RBFOX3: variants seen among roughly 807,000 people sequenced by gnomAD.
RBFOX3 encodes the protein RNA binding protein fox-1 homolog 3.
RBFOX3 carries 17 observed loss-of-function variants against 48.7 expected under a neutral mutation model. The observed-to-expected ratio is 0.35, with a 90% CI of 0.24 to 0.52. The LOEUF (loss-of-function observed/expected upper bound fraction) is 0.52, where lower values mean the gene tolerates loss of function less well. Among genes scored for constraint, RBFOX3 ranks in the 20% least tolerant of loss-of-function variants. The pLI is 0.94. For synonymous variants in RBFOX3, 212 were observed against 209.5 expected (o/e 1.01, Z -0.10); for missense variants, 382 against 497.5 (o/e 0.77, Z 2.21).
At chr17:79,591,380 A>T (rs1227451287) in intron 1 of RBFOX3, among the ~76,000 whole-genome samples, 1 of 152,122 alleles carries the variant, frequency 6.6e-6, no homozygotes, top group Non-Finnish European at 1.5e-5. Flanking sequence ...CAGGAGACAC[A>T]CCATGGCCAG....
At chr17:79,219,494 G>A (rs375409412) in intron 4 of RBFOX3, among the ~76,000 whole-genome samples, 7 of 152,176 alleles carry the variant, frequency 4.6e-5, no homozygotes, top group South Asian at 4.2e-4. Context: ...AGGATGGCCC[G>A]GTCCTCCCCT....
At chr17:79,219,951 C>CCTGT (rs2059518322) in intron 4 of RBFOX3, among the ~76,000 whole-genome samples, 1 of 151,968 alleles carries the variant, frequency 6.6e-6, no homozygotes, top group African/African-American at 2.4e-5. Context: ...GTCCCAGCCC[C>CCTGT]ACCGTCTGCA....
chr17:79,568,907 C>A (rs1184641994), intron 1 of RBFOX3, among the ~76,000 whole-genome samples: 1 of 152,094 alleles, frequency 6.6e-6, no homozygotes. Context: ...CCTCCCAGAG[C>A]TCCGGACCCA....
intron 2 of RBFOX3, among the ~76,000 whole-genome samples, chr17:79,460,104 G>A (rs1473785416): frequency 2.0e-5 from 3 of 152,276 alleles, no homozygotes; most frequent in Non-Finnish European, 2.9e-5. Context: ...GCTACGGGAG[G>A]GGATGGGGAG....
At chr17:79,324,745 C>A (rs1340842278) in intron 2 of RBFOX3, among the ~76,000 whole-genome samples, 2 of 152,310 alleles carry the variant, frequency 1.3e-5, no homozygotes, top group African/African-American at 4.8e-5. Context: ...GCAGCACGGC[C>A]ACAAGCCAAC....
intron 4 of RBFOX3, among the ~76,000 whole-genome samples, chr17:79,223,925 G>T (rs2060021005): frequency 6.6e-6 from 1 of 152,166 alleles, no homozygotes; most frequent in African/African-American, 2.4e-5. Flanking sequence ...CAAGGCAAAG[G>T]TGTGTATATT....
intron 2 of RBFOX3, among the ~76,000 whole-genome samples, chr17:79,431,856 G>A (rs958466229): frequency 3.3e-5 from 5 of 152,172 alleles, no homozygotes; most frequent in African/African-American, 1.2e-4. Flanking sequence ...GTGGCATTCG[G>A]AACATTTGCT....
intron 4 of RBFOX3, among the ~76,000 whole-genome samples, chr17:79,152,148 G>A (rs4993715): frequency 0.64 from 97,969 of 151,982 alleles, 31,952 homozygotes; most frequent in Non-Finnish European, 0.69. Flanking sequence ...ATAAGTGGGC[G>A]AGTGGGGTCC....
At chr17:79,231,825 T>A (rs2061067919) in intron 4 of RBFOX3, among the ~76,000 whole-genome samples, 1 of 152,146 alleles carries the variant, frequency 6.6e-6, no homozygotes, top group Non-Finnish European at 1.5e-5. Flanking sequence ...TGTTTATGAG[T>A]CAGAAGGCCC....
intron 1 of RBFOX3, among the ~76,000 whole-genome samples, chr17:79,517,365 A>C (rs2085386906): frequency 6.6e-6 from 1 of 151,328 alleles, no homozygotes; most frequent in African/African-American, 2.4e-5. Flanking sequence ...GAATCGCTTG[A>C]ACCCAGGGGG....
intron 4 of RBFOX3, among the ~76,000 whole-genome samples, chr17:79,222,008 A>C (rs899904727): frequency 1.3e-5 from 2 of 152,134 alleles, no homozygotes; most frequent in Admixed American, 1.3e-4. Flanking sequence ...AGCCACAAAC[A>C]CCTGAGGGTA....
intron 3 of RBFOX3, among the ~76,000 whole-genome samples, chr17:79,266,030 C>T (rs923049319): frequency 5.9e-5 from 9 of 152,376 alleles, no homozygotes; most frequent in African/African-American, 2.2e-4. Flanking sequence ...TGACTTTTCC[C>T]AGAGGGCTGC....
rs991814082 is a variant in RBFOX3 at position 79,214,367 on chromosome 17, T to C, written c.-34+21399A>G. On this transcript the variant is annotated intron_variant, in intron 4 of 14. Coordinates refer to ENST00000693108, the MANE Select transcript of RBFOX3 (RefSeq NM_001350451.2). The surrounding 1 kb of genome is among the most constrained non-coding windows in gnomAD (Gnocchi z 4.7). ...ATGGAGGAAAGCCCTGTCTCCTCAT[T>C]AATTAGACAAGCCCTCCCGCCCGCA... Among the ~76,000 whole-genome samples, 1 of 152,190 alleles carries C rather than the reference T, an allele frequency of 6.6e-6. No homozygotes were observed. Among genetic ancestry groups the C allele is most frequent in the Non-Finnish European group, 1.5e-5 (1 of 68,034 alleles).
intron 4 of RBFOX3, among the ~76,000 whole-genome samples, chr17:79,168,182 C>T (rs759479944): frequency 1.1e-4 from 17 of 152,212 alleles, no homozygotes; most frequent in Non-Finnish European, 5.9e-5. Flanking sequence ...CCCGCTGCTG[C>T]CTGACCCCTG....
intron 1 of RBFOX3, among the ~76,000 whole-genome samples, chr17:79,550,023 A>G (rs1159539839): frequency 6.6e-6 from 1 of 152,126 alleles, no homozygotes; most frequent in Non-Finnish European, 1.5e-5. Context: ...CAGAGCTCTC[A>G]CGCATCCCTG....
chr17:79,493,492 G>T (rs1264836963), intron 1 of RBFOX3, among the ~76,000 whole-genome samples: 6 of 152,056 alleles, frequency 3.9e-5, no homozygotes, highest in African/African-American at 1.4e-4. Context: ...CCACCTCCCT[G>T]CCTGGCTGCT....
chr17:79,655,228 T>C, the RBFOX3 span, among the ~76,000 whole-genome samples: 1 of 152,124 alleles, frequency 6.6e-6, no homozygotes, highest in Non-Finnish European at 1.5e-5. Context: ...AGGTCTGACC[T>C]AAGTCCGCAG....
intron 1 of RBFOX3, among the ~76,000 whole-genome samples, chr17:79,572,731 TC>T: frequency 6.6e-6 from 1 of 152,306 alleles, no homozygotes; most frequent in South Asian, 2.1e-4. Context: ...CGTGCGTGTT[TC>T]CCAAGGCTCA....
chr17:79,405,519 A>C (rs1201773769), intron 2 of RBFOX3, among the ~76,000 whole-genome samples: 4 of 152,078 alleles, frequency 2.6e-5, no homozygotes, highest in African/African-American at 9.7e-5. Context: ...CCAGGAGTTC[A>C]AGACCAGCCT....
Sources: allele counts gnomAD v4.1 joint callset (sites outside exome capture counted in the v4.1 genomes callset), GRCh38; gene constraint gnomAD v4.1.1; non-coding constraint Gnocchi (gnomAD v3.1); transcripts MANE v1.5; gene names NCBI Gene and HGNC (gene_info 2026-07-23, HGNC 2026-07-21).